SPAG16: variants seen among roughly 807,000 people sequenced by gnomAD.
SPAG16 encodes sperm-associated antigen 16 protein.
SPAG16 carries 86 observed loss-of-function variants against 80.4 expected under a neutral mutation model. The ratio of observed to expected loss-of-function variants is 1.07; its 90% confidence interval spans 0.90 to 1.28. The LOEUF is 1.28. SPAG16 is among the 50% of genes most tolerant of loss of function. SPAG16 has a pLI of 0.00. For synonymous variants in SPAG16, 294 were observed against 265.9 expected, an observed-to-expected ratio of 1.11 and a Z score of -1.03; for missense variants, 870 against 765.3, an observed-to-expected ratio of 1.14 and a Z score of -1.61.
At chr2:213,833,512 AATATATATAATATATATATT>A (rs2073859651) in intron 10 of SPAG16, among the ~76,000 whole-genome samples, 1 of 1,010 alleles carries the variant, frequency 9.9e-4, no homozygotes, top group African/African-American at 2.6e-3. Flanking sequence ...TATTATATAT[AATATATATAATATATATATT>A]ATATATAATA....
At chr2:214,155,723 T>C (rs570898207) in intron 15 of SPAG16, among the ~76,000 whole-genome samples, 2 of 152,258 alleles carry the variant, frequency 1.3e-5, no homozygotes, top group South Asian at 4.1e-4. Context: ...GCCTCCATAG[T>C]GAAGCAACAT....
chr2:213,342,299 C>CAT (rs201257729), intron 6 of SPAG16, among the ~76,000 whole-genome samples: 3,207 of 144,514 alleles, frequency 0.022, 53 homozygotes, highest in Middle Eastern at 0.036. Context: ...ATATATATGA[C>CAT]ATATGTGTAT....
At chr2:213,549,150 CTATT>C (rs1221168910) in intron 10 of SPAG16, among the ~76,000 whole-genome samples, 4 of 151,808 alleles carry the variant, frequency 2.6e-5, no homozygotes, top group Non-Finnish European at 5.9e-5. Context: ...GTTTGTAATC[CTATT>C]TATTTCTTTT....
intron 10 of SPAG16, among the ~76,000 whole-genome samples, chr2:213,820,889 A>G (rs1249549391): frequency 6.6e-6 from 1 of 152,076 alleles, no homozygotes; most frequent in African/African-American, 2.4e-5. Flanking sequence ...TTGCATGTAA[A>G]TAATTATTAA....
chr2:214,211,515 C>T (rs2058293095), intron 15 of SPAG16, among the ~76,000 whole-genome samples: 1 of 152,122 alleles, frequency 6.6e-6, no homozygotes, highest in Admixed American at 6.6e-5. Flanking sequence ...TCCCAGGACA[C>T]TGATATCTGA....
intron 10 of SPAG16, among the ~76,000 whole-genome samples, chr2:213,808,735 A>G (rs1380436643): frequency 1.3e-5 from 2 of 152,268 alleles, no homozygotes; most frequent in Non-Finnish European, 2.9e-5. Flanking sequence ...TTTCATGTAT[A>G]TGTAGGCTAA....
At chr2:213,384,763 A>G (rs1486171840) in intron 9 of SPAG16, among the ~76,000 whole-genome samples, 1 of 152,214 alleles carries the variant, frequency 6.6e-6, no homozygotes, top group Non-Finnish European at 1.5e-5. Flanking sequence ...TGCTCTCAGT[A>G]TCCTGATCAT....
intron 10 of SPAG16, among the ~76,000 whole-genome samples, chr2:213,848,660 C>T (rs891026104): frequency 6.6e-6 from 1 of 152,140 alleles, no homozygotes; most frequent in African/African-American, 2.4e-5. Context: ...TTTATCAAAG[C>T]GTTTTTATAA....
chr2:214,001,961 G>A (rs2046808808), intron 12 of SPAG16, among the ~76,000 whole-genome samples: 1 of 152,204 alleles, frequency 6.6e-6, no homozygotes, highest in Non-Finnish European at 1.5e-5. Flanking sequence ...TGTGTCTGAG[G>A]AGGCTTCACA....
chr2:213,388,322 C>G (rs2067559519), intron 9 of SPAG16, among the ~76,000 whole-genome samples: 1 of 152,220 alleles, frequency 6.6e-6, no homozygotes, highest in African/African-American at 2.4e-5. Context: ...TCACCCTTGT[C>G]TCCCTCTCTA....
chr2:213,721,455 G>A (rs2066532442), intron 10 of SPAG16, among the ~76,000 whole-genome samples: 1 of 152,138 alleles, frequency 6.6e-6, no homozygotes, highest in Non-Finnish European at 1.5e-5. Flanking sequence ...ACACTTAAGT[G>A]CTTATATTTT....
At chr2:213,396,671 T>C in intron 9 of SPAG16, 1 of 456,386 alleles carries the variant, frequency 2.2e-6, no homozygotes, top group South Asian at 1.6e-5. Flanking sequence ...AGAACAACAG[T>C]GCACACCAGC....
chr2:214,179,574 CTG>C (rs2057244055), intron 15 of SPAG16, among the ~76,000 whole-genome samples: 1 of 151,268 alleles, frequency 6.6e-6, no homozygotes, highest in African/African-American at 2.4e-5. Flanking sequence ...GTTTTCTAAA[CTG>C]GGTTGCTTTT....
intron 13 of SPAG16, among the ~76,000 whole-genome samples, chr2:214,016,944 T>G (rs2124981834): frequency 6.6e-6 from 1 of 152,288 alleles, no homozygotes; most frequent in Admixed American, 6.5e-5. Flanking sequence ...AATATGGTAA[T>G]GGACATGCAG....
chr2:213,319,315 T>C (rs1434393672), intron 5 of SPAG16, among the ~76,000 whole-genome samples: 2 of 151,926 alleles, frequency 1.3e-5, no homozygotes, highest in Non-Finnish European at 2.9e-5. Flanking sequence ...ATATTTAAGC[T>C]CTTGTAAAAG....
chr2:213,735,856 C>T (rs1488347629), intron 10 of SPAG16, among the ~76,000 whole-genome samples: 1 of 152,178 alleles, frequency 6.6e-6, no homozygotes, highest in Non-Finnish European at 1.5e-5. Context: ...CTAGAATTGT[C>T]TAGCACTACA....
intron 9 of SPAG16, among the ~76,000 whole-genome samples, chr2:213,406,518 A>G (rs2068613732): frequency 6.6e-6 from 1 of 152,246 alleles, no homozygotes; most frequent in Admixed American, 6.5e-5. Context: ...AAATAATGTT[A>G]TGAACCAAAA....
intron 10 of SPAG16, among the ~76,000 whole-genome samples, chr2:213,635,461 T>C (rs1420340972): frequency 2.6e-5 from 4 of 152,194 alleles, no homozygotes; most frequent in Non-Finnish European, 2.9e-5. Context: ...AAATTATAGA[T>C]TTACTTTTAG....
intron 12 of SPAG16, among the ~76,000 whole-genome samples, chr2:213,977,619 TC>T (rs1459122848): frequency 6.6e-6 from 1 of 150,772 alleles, no homozygotes; most frequent in African/African-American, 2.5e-5. Context: ...CCAAATGCTC[TC>T]TGTATCTTTT....
Sources: gnomAD v4.1 joint callset for allele counts (sites outside exome capture counted in the v4.1 genomes callset) on GRCh38, gnomAD v4.1.1 for gene constraint, MANE v1.5 for transcripts, NCBI Gene and HGNC (gene_info 2026-07-23, HGNC 2026-07-21) for gene names.